The following ACAP2 variants were observed in gnomAD, a reference collection of about 807,000 sequenced individuals.
ACAP2 encodes the protein ArfGAP with coiled-coil, ankyrin repeat and PH domains 2.
A neutral mutation model predicts 115.8 loss-of-function variants in ACAP2; 39 were observed. That is an observed-to-expected ratio of 0.34 (90% CI 0.26 to 0.44). ACAP2 has a LOEUF of 0.44. Among genes scored for constraint, ACAP2 ranks in the 20% least tolerant of loss-of-function variants. The pLI is 1.00. For synonymous variants in ACAP2, 289 were observed against 315.8 expected (o/e 0.92, Z 0.90); for missense variants, 662 against 927.6 (o/e 0.71, Z 3.72).
intron 8 of ACAP2, among the ~76,000 whole-genome samples, chr3:195,331,214 C>A (rs1730143217): frequency 6.6e-6 from 1 of 151,946 alleles, no homozygotes. Context: ...TGGCATACAC[C>A]CTACATGTCT....
At chr3:195,366,623 T>G (rs1732741692) in intron 4 of ACAP2, among the ~76,000 whole-genome samples, 1 of 152,204 alleles carries the variant, frequency 6.6e-6, no homozygotes. Flanking sequence ...AATCCACTGT[T>G]TCTTAAACTG....
At chr3:195,369,852 T>A (rs1732999504) in intron 4 of ACAP2, among the ~76,000 whole-genome samples, 1 of 152,208 alleles carries the variant, frequency 6.6e-6, no homozygotes, top group African/African-American at 2.4e-5. Flanking sequence ...CCACAATGGT[T>A]GAACCAATTT....
intron 4 of ACAP2, among the ~76,000 whole-genome samples, chr3:195,370,092 T>C (rs1733017619): frequency 6.6e-6 from 1 of 152,232 alleles, no homozygotes; most frequent in Admixed American, 6.5e-5. Flanking sequence ...GCCCACTTTT[T>C]AACTGGGTTG....
intron 4 of ACAP2, among the ~76,000 whole-genome samples, chr3:195,378,089 A>AGGAAGC (rs879267088): frequency 0.044 from 6,601 of 148,896 alleles, 279 homozygotes; most frequent in East Asian, 0.099. Context: ...GGAGGAAGGG[A>AGGAAGC]GGAGGAGGAA....
chr3:195,351,130 G>GA (rs1455826906), intron 4 of ACAP2, among the ~76,000 whole-genome samples: 1 of 69,836 alleles, frequency 1.4e-5, no homozygotes, highest in African/African-American at 6.6e-5. Context: ...TTTTTTTTTT[G>GA]GGCGGGGGAC....
At chr3:195,343,059 T>C (rs767042759) in intron 5 of ACAP2, among the ~76,000 whole-genome samples, 1 of 152,174 alleles carries the variant, frequency 6.6e-6, no homozygotes, top group Non-Finnish European at 1.5e-5. Context: ...CCATTTTTTG[T>C]TTCACCTCAC....
Position 195,292,133 on chromosome 3 carries a change from T to C in ACAP2, c.1953+132A>G, listed in dbSNP as rs577658131. The C allele has an allele frequency of 2.5e-5, 28 of 1,140,936 alleles. No homozygotes were observed. In the East Asian group the frequency reaches 6.4e-4, roughly 26 times the overall value. The allele number at this position is 1,140,936 out of a possible 1,614,324, so 70.7% of individuals were successfully genotyped here. A position where few individuals can be genotyped will look rare whatever the true frequency, so the allele number is the denominator to read the frequency against. Reference sequence around the variant, plus strand: ...GGTGCTCAGAAACCACTACTATTAATAGCACAGAGGTTCCTTCTATTTTCT... The same window carrying C: ...GGTGCTCAGAAACCACTACTATTAACAGCACAGAGGTTCCTTCTATTTTCT... On this transcript the variant is annotated intron_variant, in intron 19 of 22. Coordinates refer to ENST00000326793, the MANE Select transcript of ACAP2 (RefSeq NM_012287.6).
At chr3:195,378,371 A>G (rs1241764041) in intron 4 of ACAP2, among the ~76,000 whole-genome samples, 1 of 152,178 alleles carries the variant, frequency 6.6e-6, no homozygotes, top group Non-Finnish European at 1.5e-5. Flanking sequence ...ACGTCCCTAT[A>G]GTCCCAGCTA....
intron 9 of ACAP2, 142 bp from the exon 10 acceptor site, chr3:195,320,955 G>T: frequency 1.9e-6 from 1 of 524,600 alleles, no homozygotes; most frequent in South Asian, 3.2e-5. Flanking sequence ...AAAATGAAGG[G>T]GGACTTAAAT....
At chr3:195,284,699 A>G (rs940036349) in intron 22 of ACAP2, among the ~76,000 whole-genome samples, 1 of 152,252 alleles carries the variant, frequency 6.6e-6, no homozygotes, top group African/African-American at 2.4e-5. Context: ...AACAGGAAGA[A>G]GAGATGATAT....
chr3:195,394,883 G>A (rs1350813977), intron 1 of ACAP2, among the ~76,000 whole-genome samples: 3 of 151,118 alleles, frequency 2.0e-5, no homozygotes, highest in Non-Finnish European at 4.4e-5. Flanking sequence ...GCACCACTGC[G>A]CTCCTGCCTG....
At chr3:195,295,260 C>T (rs1375166884) in intron 17 of ACAP2, 1 of 1,291,518 alleles carries the variant, frequency 7.7e-7, no homozygotes, top group Non-Finnish European at 1.0e-6. Flanking sequence ...CAGGACAAAA[C>T]AGAGACTCCC....
At chr3:195,304,082 T>C (rs1485373420) in intron 13 of ACAP2, among the ~76,000 whole-genome samples, 1 of 142,110 alleles carries the variant, frequency 7.0e-6, no homozygotes, top group Non-Finnish European at 1.5e-5. Flanking sequence ...CAGAATCGCT[T>C]GAACCTGGGA....
intron 13 of ACAP2, among the ~76,000 whole-genome samples, chr3:195,305,437 T>G (rs1728357938): frequency 6.6e-6 from 1 of 152,116 alleles, no homozygotes; most frequent in South Asian, 2.1e-4. Flanking sequence ...ACCAATCAAA[T>G]ATGAGGACAG....
At chr3:195,313,146 T>C (rs116736192) in intron 10 of ACAP2, among the ~76,000 whole-genome samples, 241 of 152,380 alleles carry the variant, frequency 1.6e-3, no homozygotes, top group African/African-American at 5.6e-3. Flanking sequence ...TTGCATTTTA[T>C]TAACTTTTTA....
chr3:195,382,394 C>T (rs1734007650), intron 2 of ACAP2, among the ~76,000 whole-genome samples: 2 of 151,918 alleles, frequency 1.3e-5, no homozygotes, highest in Non-Finnish European at 2.9e-5. Flanking sequence ...GTCTCTAATA[C>T]CTATTGTTCC....
chr3:195,311,306 AG>A (rs1728753915), intron 10 of ACAP2, among the ~76,000 whole-genome samples: 1 of 152,136 alleles, frequency 6.6e-6, no homozygotes, highest in Admixed American at 6.5e-5. Context: ...CATGTTGGCC[AG>A]GCTGGTCTCT....
intron 9 of ACAP2, 49 bp from the exon 10 acceptor site, chr3:195,320,862 C>T: frequency 1.6e-6 from 2 of 1,279,442 alleles, no homozygotes; most frequent in Non-Finnish European, 2.3e-6. Flanking sequence ...ACTAAGTTTC[C>T]TAGACAAGAA....
intron 3 of ACAP2, among the ~76,000 whole-genome samples, chr3:195,381,497 A>G (rs898615016): frequency 6.6e-6 from 1 of 152,180 alleles, no homozygotes. Context: ...TAAGCTGGCT[A>G]ATCAGAACCT....
Sources: gnomAD v4.1 joint callset for allele counts (sites outside exome capture counted in the v4.1 genomes callset) on GRCh38, gnomAD v4.1.1 for gene constraint, MANE v1.5 for transcripts, NCBI Gene and HGNC (gene_info 2026-07-23, HGNC 2026-07-21) for gene names.